Variants in WASHC2C observed in about 807,000 individuals in gnomAD.
WASHC2C encodes WASH complex subunit 2C, also known as Vaccinia Penetration Factor.
A neutral mutation model predicts 142.2 loss-of-function variants in WASHC2C; 73 were observed. That is an observed-to-expected ratio of 0.51 (90% CI 0.43 to 0.62). The LOEUF is 0.62. Ranked by LOEUF, WASHC2C falls within the 20% of genes least tolerant of loss-of-function variation. WASHC2C has a pLI of 0.00. For synonymous variants in WASHC2C, 337 were observed against 565.5 expected (o/e 0.60, Z 5.73); for missense variants, 969 against 1,531.7 (o/e 0.63, Z 6.13).
chr10:45,784,293 C>CATATACACATAT (rs2057840900), intron 23 of WASHC2C, among the ~76,000 whole-genome samples: 1 of 63,660 alleles, frequency 1.6e-5, no homozygotes, highest in Non-Finnish European at 3.1e-5. Flanking sequence ...TATATATACA[C>CATATACACATAT]ATATATATAT....
chr10:45,738,658 G>A (rs2051583945), intron 4 of WASHC2C, among the ~76,000 whole-genome samples: 1 of 152,088 alleles, frequency 6.6e-6, no homozygotes, highest in Admixed American at 6.5e-5. Context: ...AGTTCTGCCT[G>A]TTGCCAGCAT....
intron 26 of WASHC2C, 113 bp downstream of exon 26, chr10:45,785,744 A>C: frequency 6.3e-7 from 1 of 1,594,916 alleles, no homozygotes; most frequent in Non-Finnish European, 8.5e-7. Context: ...AGGAAACAGC[A>C]ACCAGGGCTA....
intron 8 of WASHC2C, 112 bp downstream of exon 8, chr10:45,746,759 T>C: frequency 1.4e-6 from 2 of 1,441,144 alleles, no homozygotes; most frequent in South Asian, 1.2e-5. Context: ...TTTTCATGTA[T>C]ACAATTTATT....
chr10:45,764,763 G>T (rs2055584775), intron 18 of WASHC2C, among the ~76,000 whole-genome samples: 1 of 152,276 alleles, frequency 6.6e-6, no homozygotes, highest in Admixed American at 6.5e-5. Flanking sequence ...TAGGGTCACT[G>T]TGGCAGCTGT....
At chr10:45,769,069 A>G (rs1219392716) in intron 19 of WASHC2C, among the ~76,000 whole-genome samples, 1 of 152,170 alleles carries the variant, frequency 6.6e-6, no homozygotes, top group Admixed American at 6.5e-5. Flanking sequence ...TTTAACAAAT[A>G]TAAGTTTGAT....
intron 3 of WASHC2C, among the ~76,000 whole-genome samples, chr10:45,733,454 TGAG>T (rs2050846912): frequency 6.6e-6 from 1 of 151,846 alleles, no homozygotes; most frequent in Admixed American, 6.6e-5. Context: ...TCTCCCCAGA[TGAG>T]GAGCAATACC....
At position 45,779,974 on chromosome 10, in the gene WASHC2C, A is replaced by G. The variant is rs2057370792; in HGVS notation, c.2478+839A>G. Among the ~76,000 whole-genome samples, 3 of 147,124 alleles carry G rather than the reference A, an allele frequency of 2.0e-5. No homozygotes were observed. In the South Asian group the frequency reaches 6.4e-4, roughly 32 times the overall value. ...CACTCCAGTGTGGCAACAGAACGAG[A>G]CTCCATCTCAAAAAAAAAAAAAAAA... is the stretch of plus-strand genomic sequence containing the variant. On this transcript the variant is annotated intron_variant, in intron 23 of 30. Coordinates refer to ENST00000623400, the MANE Select transcript of WASHC2C (RefSeq NM_001330074.2).
Position 45,739,545 on chromosome 10 carries a change from C to T in WASHC2C, c.355-528C>T, listed in dbSNP as rs542639879. Among the ~76,000 whole-genome samples, 308 of 151,070 alleles carry T rather than the reference C, an allele frequency of 2.0e-3. 3 individuals are homozygous for T. Among genetic ancestry groups the T allele is most frequent in the Admixed American group, 9.5e-3 (144 of 15,172 alleles). On this transcript the variant is annotated intron_variant, in intron 4 of 30. Coordinates refer to ENST00000623400, the MANE Select transcript of WASHC2C (RefSeq NM_001330074.2). ...GTTGTAGGGTATACACAGAATAGAC[C>T]GGAGATGAAAATGACCCCCTTTTGA...
At chr10:45,751,801 C>T (rs2053624568) in intron 11 of WASHC2C, among the ~76,000 whole-genome samples, 1 of 152,028 alleles carries the variant, frequency 6.6e-6, no homozygotes, top group Admixed American at 6.6e-5. Context: ...CATAGTGAAA[C>T]CCCATTTCTA....
At chr10:45,751,868 T>C (rs1330706559) in intron 11 of WASHC2C, among the ~76,000 whole-genome samples, 1 of 152,000 alleles carries the variant, frequency 6.6e-6, no homozygotes, top group Non-Finnish European at 1.5e-5. Context: ...TCCCAGCTAC[T>C]TGGGAGGCTG....
At chr10:45,786,791 TC>T (rs2058076704) in intron 27 of WASHC2C, 117 bp downstream of exon 27, 1 of 1,577,210 alleles carries the variant, frequency 6.3e-7, no homozygotes, top group South Asian at 1.1e-5. Context: ...CCGCCTCCCC[TC>T]CCCTGCACCT....
At chr10:45,732,017 C>T (rs1277017825) in intron 3 of WASHC2C, among the ~76,000 whole-genome samples, 4 of 152,048 alleles carry the variant, frequency 2.6e-5, no homozygotes, top group South Asian at 2.1e-4. Flanking sequence ...AGGATGGTCT[C>T]GATCTCCTGA....
chr10:45,755,209 G>A (rs2054098282), intron 15 of WASHC2C, 94 bp downstream of exon 15: 2 of 1,521,160 alleles, frequency 1.3e-6, no homozygotes, highest in South Asian at 2.4e-5. Context: ...ATCTCTTACA[G>A]TGCCAGAATC....
At position 45,789,580 on chromosome 10, in the gene WASHC2C, G is replaced by T; in HGVS notation, c.3708+89G>T. The T allele has an allele frequency of 7.7e-6, 12 of 1,565,654 alleles. No homozygotes were observed. The South Asian group carries it at 1.1e-4, about 15-fold the overall frequency. ...TTGAGCCATAGATTATGTCTAGCTTGTTGCGTGCATACCCCATAGCCACTT... is the reference window on the plus strand; with the variant it reads ...TTGAGCCATAGATTATGTCTAGCTTTTTGCGTGCATACCCCATAGCCACTT... On this transcript the variant is annotated intron_variant, in intron 29 of 30. Coordinates refer to ENST00000623400, the MANE Select transcript of WASHC2C (RefSeq NM_001330074.2).
In WASHC2C at chr10:45,750,126, G is replaced by T. The variant is rs373048956; in HGVS notation, c.763G>T (p.Asp255Tyr). ...CACACAAATGAGTGATGAGGAAGAG[G>T]ATGATGATGGCTGTGACCTTTTTGC... ...HTTQMSDEEE[D>Y]DDGCDLFADS... The change falls in exon 9 of 31, where the codon GAT becomes TAT. Residue 255 changes from aspartate (D) to tyrosine (Y), a missense_variant. Physicochemically the swap from Asp to Tyr is radical, Grantham distance 160 (BLOSUM62 -3). Transcript: ENST00000623400. 5.6e-6 allele frequency: 9 copies of T among 1,611,338 alleles called. No homozygotes were observed. Among genetic ancestry groups the T allele is most frequent in the Non-Finnish European group, 7.6e-6 (9 of 1,179,712 alleles).
chr10:45,786,040 G>C (rs576185421), intron 26 of WASHC2C: 2 of 271,696 alleles, frequency 7.4e-6, no homozygotes, highest in Admixed American at 5.1e-5. Context: ...CTGTTGGGCC[G>C]TACTCTGCAG....
chr10:45,728,544 C>T (rs1589525689), intron 2 of WASHC2C, among the ~76,000 whole-genome samples: 2 of 151,666 alleles, frequency 1.3e-5, no homozygotes, highest in South Asian at 2.1e-4. Flanking sequence ...CGAGACCAGC[C>T]TGGCCAACAT....
intron 29 of WASHC2C, among the ~76,000 whole-genome samples, 172 bp from the exon 30 acceptor site, chr10:45,790,184 C>G (rs1190257512): frequency 1.3e-5 from 2 of 152,120 alleles, no homozygotes; most frequent in African/African-American, 2.4e-5. Context: ...GGGTGAGATG[C>G]GCGGGCCAAG....
chr10:45,754,593 T>C (rs1554876366), intron 14 of WASHC2C, 48 bp downstream of exon 14: 2 of 1,486,866 alleles, frequency 1.3e-6, no homozygotes, highest in African/African-American at 2.8e-5. Context: ...AATACTGTTT[T>C]TTGCATTTCA....
Sources: allele counts gnomAD v4.1 joint callset (sites outside exome capture counted in the v4.1 genomes callset), GRCh38; gene constraint gnomAD v4.1.1; transcripts MANE v1.5; gene names NCBI Gene and HGNC (gene_info 2026-07-23, HGNC 2026-07-21).